Variants in DCTN1 observed in about 807,000 individuals in gnomAD.
DCTN1 encodes the protein 150 kDa dynein-associated polypeptide.
A neutral mutation model predicts 161.2 loss-of-function variants in DCTN1; 61 were observed. The ratio of observed to expected loss-of-function variants is 0.38; its 90% CI spans 0.31 to 0.47. DCTN1 has a LOEUF of 0.47. Among genes scored for constraint, DCTN1 ranks in the 20% least tolerant of loss-of-function variants. DCTN1 has a pLI of 0.99. For synonymous variants in DCTN1, 653 were observed against 632.4 expected (o/e 1.03, Z -0.49); for missense variants, 1,404 against 1,623.7 (o/e 0.86, Z 2.33).
In DCTN1 at chr2:74,366,493, G is replaced by A; in HGVS notation, c.2594C>T (p.Ala865Val). 1 of 1,614,136 alleles carries A rather than the reference G, an allele frequency of 6.2e-7. No homozygotes were observed. The highest frequency in any genetic ancestry group is 2.2e-5 in the East Asian group (1 of 44,890). The change falls in exon 22 of 32, where the codon GCT becomes GTT. Residue 865 changes from alanine (A) to valine (V), a missense_variant. Coordinates refer to ENST00000628224, the MANE Select transcript of DCTN1 (RefSeq NM_004082.5). ...TGCTTTGAAAGCCAGTTCCTCCAGA[G>A]CAGCCACAAGTAGCCCCTCATTCTC... ...LAENEGLLVA[A>V]LEELAFKASE... is the part of the protein sequence containing the mutation.
At position 74,369,196 on chromosome 2, in the gene DCTN1, T is replaced by C; in HGVS notation, c.1603A>G (p.Thr535Ala). ...TCCACAGATGCTTCCTGCTGGTTTG[T>C]CAGTTCCCGATTCACATCCTAGGAG... ...AHLQDVNREL[T>A]NQQEASVERQ... is the part of the protein sequence containing the mutation. Residue 535 changes from threonine (T) to alanine (A), a missense_variant, in exon 15 of 32, where the codon ACA (threonine) becomes GCA (alanine). Around this residue, in one of 9 missense-constraint regions of DCTN1, gnomAD observed 278 missense variants for 363.8 expected, o/e 0.76. Coordinates refer to ENST00000628224, the MANE Select transcript of DCTN1 (RefSeq NM_004082.5). This position sits in a 1 kb window ranked among gnomAD's most constrained non-coding sequence, Gnocchi z 4.9. 6.2e-7 allele frequency: 1 copy of C among 1,614,228 alleles called. No homozygotes were observed. The highest frequency in any genetic ancestry group is 8.5e-7 in the Non-Finnish European group (1 of 1,180,038).
In DCTN1 at chr2:74,367,048, C is replaced by A. The variant is rs934222442; in HGVS notation, c.2313G>T (p.Leu771Phe). 6.2e-7 allele frequency: 1 copy of A among 1,614,088 alleles called. No homozygotes were observed. Among genetic ancestry groups the A allele is most frequent in the Non-Finnish European group, 8.5e-7 (1 of 1,180,038 alleles). ...SVEVGRLRAF[L>F]QGGQEATDIA... ...ACAGATCTAGATGTGTTCTCACCTG[C>A]AAGAAGGCACGCAGCCGTCCTACCT... The change falls in exon 20 of 32, where the codon TTG (leucine) becomes TTT (phenylalanine). Residue 771 changes from leucine to phenylalanine, a missense_variant. Physicochemically the swap from Leu to Phe is conservative, Grantham distance 22. This residue lies in a region of DCTN1 where 475 missense variants were observed against 489.8 expected (regional missense o/e 0.97). Coordinates refer to ENST00000628224, the MANE Select transcript of DCTN1 (RefSeq NM_004082.5).
chr2:74,364,026 T>G (rs907253491), intron 26 of DCTN1: 1 of 285,618 alleles, frequency 3.5e-6, no homozygotes, highest in Middle Eastern at 1.2e-3. Flanking sequence ...AAAGCTTAAG[T>G]TGGGGATGCA....
In DCTN1 at chr2:74,367,424, A is replaced by C; in HGVS notation, c.2185-4T>G. 1 of 1,614,094 alleles carries C rather than the reference A, an allele frequency of 6.2e-7. No homozygotes were observed. Among genetic ancestry groups the C allele is most frequent in the East Asian group, 2.2e-5 (1 of 44,874 alleles). On this transcript the variant is annotated splice_polypyrimidine_tract_variant and splice_region_variant and intron_variant, in intron 18 of 31. Coordinates refer to ENST00000628224, the MANE Select transcript of DCTN1 (RefSeq NM_004082.5). ...CAAGGTGGATGCTGTACAGATGCTG[A>C]GGAGAGATAACAGACAGACAACTTT...
Position 74,369,428 on chromosome 2 carries a change from G to A in DCTN1, c.1456C>T (p.Arg486Trp), listed in dbSNP as rs759801622. 2.5e-6 allele frequency: 4 copies of A among 1,614,008 alleles called. No individual in the cohort carries two copies. The highest frequency in any genetic ancestry group is 3.4e-6 in the Non-Finnish European group (4 of 1,180,052). ...GCGCCTGCCATGTCCAGCTGCTCCC[G>A]CAGCTCCAGTTCTGTCTCACGTGCA... ...ENARETELEL[R>W]EQLDMAGARV... The change falls in exon 14 of 32, where the codon CGG becomes TGG. Residue 486 changes from arginine to tryptophan, a missense_variant. This residue lies in a region of DCTN1 where 278 missense variants were observed against 363.8 expected (regional missense o/e 0.76). Coordinates refer to ENST00000628224, the MANE Select transcript of DCTN1 (RefSeq NM_004082.5). The surrounding 1 kb of genome is among the most constrained non-coding windows in gnomAD (Gnocchi z 4.9).
chr2:74,369,303 T>A lies in DCTN1; in HGVS notation c.1581A>T (p.Leu527=). The part of the protein sequence containing the change: ...IKKYRQLTAH[L]QDVNRELTNQ... ...AGAGCAAACAGTGGGCATGTACCTG[T>A]AGATGGGCGGTCAGCTGGCGGTACT... The change falls in exon 14 of 32, where the codon CTA becomes CTT. Residue 527 remains leucine (L), a synonymous_variant. Coordinates refer to ENST00000628224, the MANE Select transcript of DCTN1 (RefSeq NM_004082.5). This position sits in a 1 kb window ranked among gnomAD's most constrained non-coding sequence, Gnocchi z 4.9. 6.2e-7 allele frequency: 1 copy of A among 1,614,136 alleles called. No homozygotes were observed.
chr2:74,361,761 G>C, intron 31 of DCTN1, 125 bp from the exon 32 acceptor site: 1 of 1,250,156 alleles, frequency 8.0e-7, no homozygotes, highest in Non-Finnish European at 1.1e-6. Flanking sequence ...TGAGATCCTG[G>C]GCTATTGTGA....
In DCTN1 at chr2:74,363,026, G is replaced by C. The variant is rs376549770; in HGVS notation, c.3497C>G (p.Thr1166Arg). The change falls in exon 29 of 32, where the codon ACG (threonine) becomes AGG (arginine). Residue 1166 changes from threonine (T) to arginine (R), a missense_variant. Physicochemically the swap from Thr to Arg is moderately conservative, Grantham distance 71. This residue lies in a region of DCTN1 where 311 missense variants were observed against 298.9 expected (regional missense o/e 1.04). Transcript: ENST00000628224. The part of the protein sequence containing the change: ...LETLNQLSTH[T>R]HVVDITRTSP... ...GGTGCGAGTGATGTCTACTACGTGC[G>C]TGTGTGTGCTCAATTGATTCAATGT... 1 of 1,613,654 alleles carries C rather than the reference G, an allele frequency of 6.2e-7. No individual in the cohort carries two copies.
chr2:74,386,616 C>T (rs1399918629), intron 1 of DCTN1: 2 of 152,162 alleles, frequency 1.3e-5, no homozygotes, highest in Admixed American at 6.5e-5. Flanking sequence ...ATTTTCAAGT[C>T]CTTACTCCCA....
chr2:74,372,022 C>A, intron 7 of DCTN1: 1 of 409,674 alleles, frequency 2.4e-6, no homozygotes, highest in Admixed American at 3.9e-5. Context: ...GCACTGACTC[C>A]ACATTCCTCC....
At chr2:74,372,886 T>G in intron 7 of DCTN1, 42 bp downstream of exon 7, 4 of 1,608,588 alleles carry the variant, frequency 2.5e-6, no homozygotes, top group South Asian at 1.1e-5. Context: ...GAAACGTGTG[T>G]GTACACTCAG....
intron 7 of DCTN1, among the ~76,000 whole-genome samples, chr2:74,372,595 T>A (rs1393719255): frequency 1.3e-5 from 2 of 152,260 alleles, no homozygotes; most frequent in Admixed American, 1.3e-4. Context: ...CCTGACATTT[T>A]ACATGGCCAA....
chr2:74,383,425 G>A (rs1675599244), upstream of DCTN1, among the ~76,000 whole-genome samples: 1 of 152,238 alleles, frequency 6.6e-6, no homozygotes, highest in African/African-American at 2.4e-5. Flanking sequence ...GGCAGACAGA[G>A]AAGGACTTGA....
rs956795821 is a variant in DCTN1, at chr2:74,367,578, G to T, written c.2184+118C>A. 2.0e-6 allele frequency: 3 copies of T among 1,535,064 alleles called. No individual in the cohort carries two copies. The African/African-American group carries it at 4.1e-5, about 21-fold the overall frequency. On this transcript the variant is annotated intron_variant, in intron 18 of 31. Transcript: ENST00000628224. ...CATCATATGGAGAGTTCATCTAAGA[G>T]CAAACCAGGCCTCAAGCAGCAAGCA...
intron 7 of DCTN1, 32 bp from the exon 8 acceptor site, chr2:74,371,760 G>GA (rs1674876569): frequency 6.4e-7 from 1 of 1,565,060 alleles, no homozygotes; most frequent in Non-Finnish European, 8.7e-7. Context: ...AGACCAGAAA[G>GA]AAAGCAGAGG....
intron 18 of DCTN1, 85 bp downstream of exon 18, chr2:74,367,611 T>C (rs1674520109): frequency 1.9e-6 from 3 of 1,597,706 alleles, no homozygotes; most frequent in South Asian, 2.2e-5. Flanking sequence ...GCATGGGACA[T>C]ACAACCTTGA....
At position 74,370,232 on chromosome 2, in the gene DCTN1, TC is replaced by T; in HGVS notation, c.1240del (p.Glu414ArgfsTer3). The T allele has an allele frequency of 6.2e-7, 1 of 1,614,048 alleles. No individual in the cohort carries two copies. The highest frequency in any genetic ancestry group is 8.5e-7 in the Non-Finnish European group (1 of 1,180,050). On this transcript the variant is annotated frameshift_variant, in exon 12 of 32. Transcript: ENST00000628224. LOFTEE classifies it high-confidence loss of function. This position sits in a 1 kb window ranked among gnomAD's most constrained non-coding sequence, Gnocchi z 4.4. ...VVRQQRERLQ[E>X]ELSQAESTID... ...GGTGCTCTCTGCCTGGCTTAGCTCC[TC>T]CTGCAGACGCTCCCGCTGTTGCCTC...
intron 26 of DCTN1, 80 bp downstream of exon 26, chr2:74,364,995 G>A (rs1363775275): frequency 6.3e-7 from 1 of 1,582,436 alleles, no homozygotes; most frequent in Non-Finnish European, 8.7e-7. Context: ...AGGGGGGTGG[G>A]GCAGAGGTCA....
chr2:74,376,997 ACT>A (rs1675265303), intron 4 of DCTN1, among the ~76,000 whole-genome samples: 2 of 152,012 alleles, frequency 1.3e-5, no homozygotes, highest in African/African-American at 2.4e-5. Flanking sequence ...ACTAGGAAGC[ACT>A]CTCTGCATCC....
Sources: allele counts gnomAD v4.1 joint callset (sites outside exome capture counted in the v4.1 genomes callset), GRCh38; gene constraint gnomAD v4.1.1; regional missense constraint gnomAD v4.1.1; non-coding constraint Gnocchi (gnomAD v3.1); transcripts MANE v1.5; gene names NCBI Gene and HGNC (gene_info 2026-07-23, HGNC 2026-07-21).